The following NEK6 variants were observed in gnomAD, a reference collection of about 807,000 sequenced individuals.
The protein encoded by NEK6 is serine/threonine-protein kinase Nek6.
Under a neutral mutation model 43.5 loss-of-function variants are expected in NEK6, and 27 were observed. The ratio of observed to expected loss-of-function variants is 0.62; its 90% confidence interval spans 0.46 to 0.86. The LOEUF (loss-of-function observed/expected upper bound fraction) is 0.86, where lower values mean the gene tolerates loss of function less well. Ranked by LOEUF, NEK6 falls within the 40% of genes least tolerant of loss-of-function variation. NEK6 has a pLI of 0.00. For missense variants in NEK6, 318 were observed against 414.4 expected (o/e 0.77, Z 2.02); for synonymous variants, 167 against 164.1 (o/e 1.02, Z -0.14).
At chr9:124,271,652 CAG>C (rs2118921521) in intron 1 of NEK6, among the ~76,000 whole-genome samples, 1 of 152,384 alleles carries the variant, frequency 6.6e-6, no homozygotes, top group Admixed American at 6.5e-5. Context: ...CGGCTGGCCC[CAG>C]AGTTAGTGCT....
chr9:124,285,832 A>T (rs1463913406), intron 1 of NEK6, among the ~76,000 whole-genome samples: 2 of 152,200 alleles, frequency 1.3e-5, no homozygotes. Flanking sequence ...GCATACTGTA[A>T]GCCTCAGTTT....
chr9:124,267,277 G>C (rs1450042502), intron 1 of NEK6, among the ~76,000 whole-genome samples: 1 of 152,256 alleles, frequency 6.6e-6, no homozygotes, highest in Non-Finnish European at 1.5e-5. Flanking sequence ...TGGGTGCCCA[G>C]ATGGCAGGAT....
chr9:124,257,644 G>A (rs866309360), upstream of NEK6: 390 of 1,517,446 alleles, frequency 2.6e-4, 3 homozygotes, highest in Middle Eastern at 8.3e-3. Context: ...ACGCACAGGA[G>A]TCCAAGGGTT....
At chr9:124,272,938 A>C (rs951570792) in intron 1 of NEK6, among the ~76,000 whole-genome samples, 3 of 152,112 alleles carry the variant, frequency 2.0e-5, no homozygotes, top group Admixed American at 6.5e-5. Flanking sequence ...ATGTTTTTTT[A>C]ATTCTTGGCA....
At position 124,275,501 on chromosome 9, in the gene NEK6, G is replaced by C. The variant is rs1381489716; in HGVS notation, c.-30+17416G>C. 1.3e-5 allele frequency among the ~76,000 whole-genome samples: 2 copies of C among 152,188 alleles called. No homozygotes were observed. Among genetic ancestry groups the C allele is most frequent in the Non-Finnish European group, 2.9e-5 (2 of 68,030 alleles). ...CTGTCCTCTGCCAGGCGGAGCTCCT[G>C]GTTCTCTGGGTCTGTAATGCTTTCC... On this transcript the variant is annotated intron_variant, in intron 1 of 9. Coordinates refer to ENST00000320246, the MANE Select transcript of NEK6 (RefSeq NM_014397.6). The surrounding 1 kb of genome is among the most constrained non-coding windows in gnomAD (Gnocchi z 4.4).
At chr9:124,303,902 C>T (rs1231690027) in intron 2 of NEK6, among the ~76,000 whole-genome samples, 1 of 152,268 alleles carries the variant, frequency 6.6e-6, no homozygotes, top group Non-Finnish European at 1.5e-5. Context: ...GGGTTAATTA[C>T]AACCTCATTT....
intron 2 of NEK6, among the ~76,000 whole-genome samples, chr9:124,311,210 C>G (rs1452427265): frequency 6.6e-6 from 1 of 152,352 alleles, no homozygotes; most frequent in South Asian, 2.1e-4. Context: ...AGGGTGCTGG[C>G]TCCTAAAGAC....
intron 1 of NEK6, among the ~76,000 whole-genome samples, chr9:124,291,027 G>T (rs1327888633): frequency 6.6e-6 from 1 of 152,204 alleles, no homozygotes; most frequent in Non-Finnish European, 1.5e-5. Context: ...TTTGGAGAAT[G>T]CAGGGCCCGA....
At chr9:124,284,188 A>C (rs1832048448) in intron 1 of NEK6, among the ~76,000 whole-genome samples, 1 of 152,214 alleles carries the variant, frequency 6.6e-6, no homozygotes, top group African/African-American at 2.4e-5. Context: ...GTCTCTACTA[A>C]AAATACAAAA....
At chr9:124,293,269 A>G (rs1039023540) in intron 1 of NEK6, among the ~76,000 whole-genome samples, 1 of 152,208 alleles carries the variant, frequency 6.6e-6, no homozygotes, top group East Asian at 1.9e-4. Flanking sequence ...CTTCATCTGT[A>G]AAAGTGAAGG....
At chr9:124,289,992 A>G (rs573206903) in intron 1 of NEK6, among the ~76,000 whole-genome samples, 2 of 152,332 alleles carry the variant, frequency 1.3e-5, no homozygotes, top group African/African-American at 4.8e-5. Flanking sequence ...CCTAAGCCCA[A>G]CTCCAGGGTT....
chr9:124,308,650 C>CG (rs778185589), intron 2 of NEK6, among the ~76,000 whole-genome samples: 32 of 142,162 alleles, frequency 2.3e-4, no homozygotes, highest in Non-Finnish European at 3.3e-4. Context: ...GAGCAAAACT[C>CG]TATCTCAAAA....
chr9:124,349,569 A>AT (rs1207533032), intron 9 of NEK6, among the ~76,000 whole-genome samples: 2 of 152,212 alleles, frequency 1.3e-5, no homozygotes, highest in Admixed American at 6.5e-5. Flanking sequence ...TTTTAAAGTT[A>AT]TATCGCTGCT....
chr9:124,284,119 C>T (rs1441782695), intron 1 of NEK6, among the ~76,000 whole-genome samples: 1 of 152,172 alleles, frequency 6.6e-6, no homozygotes, highest in Non-Finnish European at 1.5e-5. Context: ...GAGGCTGAGG[C>T]GGGAGGATCA....
chr9:124,308,888 G>A (rs986841660), intron 2 of NEK6, among the ~76,000 whole-genome samples: 1 of 152,230 alleles, frequency 6.6e-6, no homozygotes, highest in South Asian at 2.1e-4. Flanking sequence ...ACCAGCCCAG[G>A]GTCACTTGGC....
intron 8 of NEK6, among the ~76,000 whole-genome samples, chr9:124,347,022 CG>C (rs1829966895): frequency 6.6e-6 from 1 of 152,228 alleles, no homozygotes; most frequent in South Asian, 2.1e-4. Context: ...GAGCTGGGGT[CG>C]GGACAGAGCT....
chr9:124,276,987 A>G (rs1021323296), intron 1 of NEK6, among the ~76,000 whole-genome samples: 1 of 152,126 alleles, frequency 6.6e-6, no homozygotes, highest in African/African-American at 2.4e-5. Flanking sequence ...TGGATAAGGA[A>G]GGGGAGATGG....
intron 5 of NEK6, among the ~76,000 whole-genome samples, chr9:124,322,334 C>T (rs1303201536): frequency 6.6e-6 from 1 of 152,194 alleles, no homozygotes; most frequent in Non-Finnish European, 1.5e-5. Context: ...TACATCTTCA[C>T]CTGCCTCATC....
chr9:124,296,277 G>A (rs1011624935), intron 1 of NEK6, among the ~76,000 whole-genome samples: 1 of 152,236 alleles, frequency 6.6e-6, no homozygotes, highest in Non-Finnish European at 1.5e-5. Flanking sequence ...GAAGCCACAG[G>A]GACGGCTTCC....
Sources: allele counts gnomAD v4.1 joint callset (sites outside exome capture counted in the v4.1 genomes callset), GRCh38; gene constraint gnomAD v4.1.1; non-coding constraint Gnocchi (gnomAD v3.1); transcripts MANE v1.5; gene names NCBI Gene and HGNC (gene_info 2026-07-23, HGNC 2026-07-21).